Variants in CTNNA2 observed in about 807,000 individuals in gnomAD.
The protein encoded by CTNNA2 is catenin alpha-2.
A neutral mutation model predicts 101.0 loss-of-function variants in CTNNA2; 42 were observed. The observed-to-expected ratio is 0.42, with a 90% CI of 0.32 to 0.54. The LOEUF (loss-of-function observed/expected upper bound fraction) is 0.54. Ranked by LOEUF, CTNNA2 falls within the 20% of genes least tolerant of loss-of-function variation. CTNNA2 has a pLI of 0.14. For missense variants in CTNNA2, 871 were observed against 1,223.1 expected (o/e 0.71, Z 4.29); for synonymous variants, 450 against 456.4 (o/e 0.99, Z 0.18).
At chr2:79,375,056 T>A (rs1019829475) in intron 4 of CTNNA2, among the ~76,000 whole-genome samples, 1 of 152,236 alleles carries the variant, frequency 6.6e-6, no homozygotes, top group Non-Finnish European at 1.5e-5. Context: ...CCTATATGCA[T>A]ATTCCTTGTG....
intron 17 of CTNNA2, among the ~76,000 whole-genome samples, chr2:80,617,558 A>G (rs1251874168): frequency 1.3e-5 from 2 of 151,838 alleles, no homozygotes; most frequent in South Asian, 2.1e-4. Flanking sequence ...ATCTTTTTAT[A>G]TGCAAGACTT....
At chr2:79,409,301 T>G (rs1678379786) in intron 4 of CTNNA2, among the ~76,000 whole-genome samples, 1 of 152,122 alleles carries the variant, frequency 6.6e-6, no homozygotes, top group Non-Finnish European at 1.5e-5. Flanking sequence ...CACTTTAGTT[T>G]AATTACATCC....
intron 9 of CTNNA2, among the ~76,000 whole-genome samples, chr2:80,462,782 CT>C (rs1684550027): frequency 6.6e-6 from 1 of 151,996 alleles, no homozygotes; most frequent in Admixed American, 6.6e-5. Context: ...TCTACGCACT[CT>C]TTGGGTGTTA....
chr2:80,404,303 C>T (rs1220736171), intron 8 of CTNNA2, among the ~76,000 whole-genome samples: 1 of 151,626 alleles, frequency 6.6e-6, no homozygotes, highest in African/African-American at 2.4e-5. Flanking sequence ...CTTTTTTAGT[C>T]TAGCTAGCAG....
chr2:79,383,991 T>A (rs1678069574), intron 4 of CTNNA2, among the ~76,000 whole-genome samples: 1 of 152,096 alleles, frequency 6.6e-6, no homozygotes. Context: ...TTCATAATCA[T>A]TGTGGTCTGA....
intron 12 of CTNNA2, among the ~76,000 whole-genome samples, chr2:80,569,633 G>GTTTTTTGTTTTTTTTTTT (rs1553392642): frequency 3.9e-5 from 2 of 51,738 alleles, no homozygotes; most frequent in African/African-American, 1.2e-4. Context: ...GGGTATTTAG[G>GTTTTTTGTTTTTTTTTTT]TTTTTTTTTT....
intron 11 of CTNNA2, among the ~76,000 whole-genome samples, chr2:80,546,328 A>G (rs1347038681): frequency 6.6e-6 from 1 of 152,218 alleles, no homozygotes; most frequent in African/African-American, 2.4e-5. Context: ...TGGAGTTTAT[A>G]AAGCAGGATG....
intron 8 of CTNNA2, among the ~76,000 whole-genome samples, chr2:80,410,299 G>A (rs974416904): frequency 6.6e-6 from 1 of 152,194 alleles, no homozygotes; most frequent in African/African-American, 2.4e-5. Flanking sequence ...GTGCTCCCAC[G>A]AAATAAGAAT....
At chr2:80,457,914 C>T (rs1033280026) in intron 9 of CTNNA2, among the ~76,000 whole-genome samples, 1 of 152,186 alleles carries the variant, frequency 6.6e-6, no homozygotes, top group Non-Finnish European at 1.5e-5. Context: ...AGAGATGATT[C>T]ACTTTTGAAC....
intron 2 of CTNNA2, among the ~76,000 whole-genome samples, chr2:79,689,565 G>A (rs996359762): frequency 3.3e-5 from 5 of 151,880 alleles, no homozygotes; most frequent in African/African-American, 1.2e-4. Flanking sequence ...AATACACAGT[G>A]TATGACATTA....
intron 1 of CTNNA2, among the ~76,000 whole-genome samples, chr2:79,597,419 T>C (rs1008363737): frequency 1.8e-4 from 26 of 146,280 alleles, no homozygotes; most frequent in Non-Finnish European, 2.4e-4. Context: ...TTGCAGTGAG[T>C]CGAGACGGCG....
intron 8 of CTNNA2, among the ~76,000 whole-genome samples, chr2:80,401,305 A>G (rs1678524500): frequency 6.6e-6 from 1 of 152,162 alleles, no homozygotes; most frequent in Non-Finnish European, 1.5e-5. Flanking sequence ...TATCCCAATC[A>G]TCAACTTGCC....
chr2:80,324,309 C>A (rs1465319784), intron 7 of CTNNA2, among the ~76,000 whole-genome samples: 1 of 152,158 alleles, frequency 6.6e-6, no homozygotes. Context: ...GTGTGAGGCA[C>A]TTTCACGACT....
At chr2:79,876,300 C>T (rs1217417166) in intron 6 of CTNNA2, among the ~76,000 whole-genome samples, 1 of 152,036 alleles carries the variant, frequency 6.6e-6, no homozygotes, top group African/African-American at 2.4e-5. Flanking sequence ...AGGTCATACA[C>T]ACAGATATTA....
chr2:79,558,570 C>T (rs1674583430), intron 1 of CTNNA2, among the ~76,000 whole-genome samples: 1 of 151,820 alleles, frequency 6.6e-6, no homozygotes, highest in African/African-American at 2.4e-5. Context: ...AGAAGGGCCT[C>T]AGTTCCTTAT....
intron 15 of CTNNA2, among the ~76,000 whole-genome samples, chr2:80,596,754 A>G (rs1003134641): frequency 1.3e-5 from 2 of 151,688 alleles, no homozygotes; most frequent in African/African-American, 2.4e-5. Flanking sequence ...GTTGAATAGG[A>G]GTGATGAGAA....
At position 80,025,246 on chromosome 2, in the gene CTNNA2, G is replaced by A. The variant is rs1694859663; in HGVS notation, c.1056+115449G>A. On this transcript the variant is annotated intron_variant, in intron 7 of 18. Transcript: ENST00000402739. Reference sequence around the variant, plus strand: ...CATTTGGGTGGGAAAACAGAAATGTGAAGTTCTCAGTTAGGGCCATGGGTC... The same window carrying A: ...CATTTGGGTGGGAAAACAGAAATGTAAAGTTCTCAGTTAGGGCCATGGGTC... Among the ~76,000 whole-genome samples the A allele has an allele frequency of 1.3e-5, 2 of 152,192 alleles. 1 individual carries two copies. Among genetic ancestry groups the A allele is most frequent in the Admixed American group, 1.3e-4 (2 of 15,284 alleles).
intron 3 of CTNNA2, among the ~76,000 whole-genome samples, chr2:79,828,548 A>G (rs1204950292): frequency 6.6e-6 from 1 of 152,246 alleles, no homozygotes; most frequent in Non-Finnish European, 1.5e-5. Context: ...AAAAACTTAC[A>G]TTAAAGATCA....
In CTNNA2 at chr2:79,575,483, T is replaced by C. The variant is rs146537885; in HGVS notation, c.-6+62276T>C. On this transcript the variant is annotated intron_variant, in intron 1 of 18. Transcript: ENST00000402739. ...TGGCATCCTCATACTTTTGATCTCG[T>C]TGCTATAGAGAGTGGGGTGAAATTC... 2.1e-4 allele frequency: 32 copies of C among 152,236 alleles called. No individual in the cohort carries two copies. In the East Asian group the frequency reaches 6.0e-3, roughly 29 times the overall value. The allele number at this position is 152,236 out of a possible 1,614,324, so 9.4% of individuals were successfully genotyped here.
Sources: gnomAD v4.1 joint callset for allele counts (sites outside exome capture counted in the v4.1 genomes callset) on GRCh38, gnomAD v4.1.1 for gene constraint, MANE v1.5 for transcripts, NCBI Gene and HGNC (gene_info 2026-07-23, HGNC 2026-07-21) for gene names.